Variants in ARK2C observed in about 807,000 individuals in gnomAD.
The protein encoded by ARK2C is arkadia (RNF111) C-terminal like ring finger ubiquitin ligase 2C.
At chr18:46,379,880 A>G in the ARK2C span, among the ~76,000 whole-genome samples, 1 of 152,126 alleles carries the variant, frequency 6.6e-6, no homozygotes, top group Non-Finnish European at 1.5e-5. Context: ...AACCATCTGC[A>G]TGGCTGTCCT....
At chr18:46,439,101 A>G in the ARK2C span, among the ~76,000 whole-genome samples, 1 of 152,160 alleles carries the variant, frequency 6.6e-6, no homozygotes, top group Non-Finnish European at 1.5e-5. Context: ...GGCTGTGCAA[A>G]GAGGAGGATG....
chr18:46,378,062 A>G, the ARK2C span, among the ~76,000 whole-genome samples: 1 of 152,154 alleles, frequency 6.6e-6, no homozygotes, highest in East Asian at 1.9e-4. Flanking sequence ...GCAGACATTG[A>G]GAAATGAGGC....
chr18:46,418,007 A>C, the ARK2C span, among the ~76,000 whole-genome samples: 3 of 152,092 alleles, frequency 2.0e-5, no homozygotes, highest in African/African-American at 7.2e-5. Flanking sequence ...CTTAAAAAAA[A>C]AAAGTATAAT....
At chr18:46,377,471 C>T in the ARK2C span, among the ~76,000 whole-genome samples, 3 of 152,122 alleles carry the variant, frequency 2.0e-5, no homozygotes, top group African/African-American at 7.2e-5. Context: ...CAGGAAGGTG[C>T]TTCATAGGAG....
At chr18:46,438,296 A>G in the ARK2C span, among the ~76,000 whole-genome samples, 11,794 of 152,230 alleles carry the variant, frequency 0.077, 538 homozygotes, top group African/African-American at 0.11. Context: ...TTTCTCTTTG[A>G]GTCAGGTCCT....
At chr18:46,440,049 C>T in the ARK2C span, among the ~76,000 whole-genome samples, 7 of 152,190 alleles carry the variant, frequency 4.6e-5, no homozygotes, top group South Asian at 1.0e-3. Context: ...AGGATGGTCT[C>T]GATCTCTTGA....
At chr18:46,360,857 C>T in the ARK2C span, among the ~76,000 whole-genome samples, 12 of 152,330 alleles carry the variant, frequency 7.9e-5, no homozygotes, top group African/African-American at 2.6e-4. Flanking sequence ...TGTTCAGCAG[C>T]GGAACTCCTG....
the ARK2C span, among the ~76,000 whole-genome samples, chr18:46,453,863 T>G: frequency 2.0e-5 from 3 of 152,000 alleles, no homozygotes; most frequent in South Asian, 4.1e-4. Flanking sequence ...CACTGGCTCA[T>G]GCACTCTGGG....
At chr18:46,439,292 C>T in the ARK2C span, among the ~76,000 whole-genome samples, 1 of 152,196 alleles carries the variant, frequency 6.6e-6, no homozygotes, top group South Asian at 2.1e-4. Context: ...CGTAGCCAAA[C>T]CCAGGCCATG....
the ARK2C span, among the ~76,000 whole-genome samples, chr18:46,453,707 TTAAAA>T: frequency 6.6e-6 from 1 of 151,574 alleles, no homozygotes; most frequent in Non-Finnish European, 1.5e-5. Context: ...AATATATACT[TTAAAA>T]TAGTAATGAT....
At chr18:46,353,535 G>A in the ARK2C span, among the ~76,000 whole-genome samples, 32 of 152,194 alleles carry the variant, frequency 2.1e-4, no homozygotes, top group South Asian at 6.2e-3. Context: ...CTCCCCGTCC[G>A]CTACCCCACT....
At chr18:46,379,581 A>G in the ARK2C span, among the ~76,000 whole-genome samples, 1 of 152,074 alleles carries the variant, frequency 6.6e-6, no homozygotes. Flanking sequence ...TTCTCTTCCC[A>G]CCAGCCCCAC....
At chr18:46,418,907 T>C in the ARK2C span, among the ~76,000 whole-genome samples, 1 of 152,256 alleles carries the variant, frequency 6.6e-6, no homozygotes, top group Non-Finnish European at 1.5e-5. Flanking sequence ...TCTTGCAAGT[T>C]CATCCACACT....
chr18:46,430,605 C>T, the ARK2C span, among the ~76,000 whole-genome samples: 96 of 152,256 alleles, frequency 6.3e-4, no homozygotes, highest in African/African-American at 2.0e-3. Flanking sequence ...CAATTTCTGA[C>T]GGGTTCCTTC....
chr18:46,362,571 T>G, the ARK2C span, among the ~76,000 whole-genome samples: 1 of 152,154 alleles, frequency 6.6e-6, no homozygotes, highest in South Asian at 2.1e-4. Flanking sequence ...CCCAAATAGA[T>G]AGTGGCACAG....
At chr18:46,343,757 A>G in the ARK2C span, among the ~76,000 whole-genome samples, 9 of 152,232 alleles carry the variant, frequency 5.9e-5, no homozygotes. Context: ...AGATAGCCAC[A>G]TGACCTTTAG....
chr18:46,428,450 C>T, the ARK2C span, among the ~76,000 whole-genome samples: 1 of 152,144 alleles, frequency 6.6e-6, no homozygotes, highest in African/African-American at 2.4e-5. Flanking sequence ...CAAACAAAAC[C>T]AGGCCAAGGG....
chr18:46,334,310 A>G, the ARK2C span: 1 of 1,583,614 alleles, frequency 6.3e-7, no homozygotes, highest in Non-Finnish European at 8.6e-7. This position sits in a 1 kb window ranked among gnomAD's most constrained non-coding sequence, Gnocchi z 4.4. Context: ...TCGTGCTTCC[A>G]GTGTTTGGCT....
chr18:46,372,874 G>A, the ARK2C span, among the ~76,000 whole-genome samples: 1 of 152,212 alleles, frequency 6.6e-6, no homozygotes, highest in Non-Finnish European at 1.5e-5. Context: ...GCCTCCCGCG[G>A]CACAGGAACA....
Sources: gnomAD v4.1 joint callset for allele counts (sites outside exome capture counted in the v4.1 genomes callset) on GRCh38, gnomAD v4.1.1 for gene constraint, Gnocchi (gnomAD v3.1) non-coding constraint, MANE v1.5 for transcripts, NCBI Gene and HGNC (gene_info 2026-07-23, HGNC 2026-07-21) for gene names.